Variants in DCAF6 observed in about 807,000 individuals in gnomAD.
The protein encoded by DCAF6 is DDB1- and CUL4-associated factor 6.
Under a neutral mutation model 125.1 loss-of-function variants are expected in DCAF6, and 54 were observed. The ratio of observed to expected loss-of-function variants is 0.43; its 90% CI spans 0.35 to 0.54. DCAF6 has a LOEUF of 0.54. DCAF6 is among the 20% of genes least tolerant of loss of function. The probability of loss-of-function intolerance (pLI) is 0.01; values close to 1 mark genes in which losing one functional copy is unlikely to be tolerated. For missense variants in DCAF6, 934 were observed against 1,161.7 expected (o/e 0.80, Z 2.85); for synonymous variants, 371 against 390.4 (o/e 0.95, Z 0.58).
At position 167,954,698 on chromosome 1, in the gene DCAF6, C is replaced by T. The variant is rs926684796; in HGVS notation, c.159+2837C>T. On this transcript the variant is annotated intron_variant, in intron 2 of 21. Coordinates refer to ENST00000367840, the MANE Select transcript of DCAF6 (RefSeq NM_001198956.2). ...CGATCTCCTGACCTCATGATCCGCC[C>T]GCCTCTGCCTCCCAAAGTGCTGGGA... is the stretch of plus-strand genomic sequence containing the variant. Among the ~76,000 whole-genome samples, 8 of 152,022 alleles carry T rather than the reference C, an allele frequency of 5.3e-5. No individual in the cohort carries two copies. In the South Asian group the frequency reaches 1.2e-3, roughly 24 times the overall value.
At chr1:168,066,756 TCA>T (rs1692393174) in intron 20 of DCAF6, among the ~76,000 whole-genome samples, 1 of 152,090 alleles carries the variant, frequency 6.6e-6, no homozygotes, top group Non-Finnish European at 1.5e-5. Flanking sequence ...CAATAAAGAA[TCA>T]CACACAAAAA....
the DCAF6 span, among the ~76,000 whole-genome samples, chr1:167,872,886 A>G: frequency 3.3e-5 from 5 of 151,594 alleles, no homozygotes; most frequent in Admixed American, 1.3e-4. Flanking sequence ...CCTGGCCAAT[A>G]TGGTGAAACC....
rs1343427559 is a variant in DCAF6 at position 168,009,221 on chromosome 1, A to G, written c.1378+4428A>G. Among the ~76,000 whole-genome samples the G allele has an allele frequency of 2.0e-5, 3 of 151,804 alleles. No homozygotes were observed. In the East Asian group the frequency reaches 5.9e-4, roughly 30 times the overall value. On this transcript the variant is annotated intron_variant, in intron 10 of 21. Transcript: ENST00000367840. ...CACCGTGTTGGCCACGATGGTCTCAATCTCCTGACCTTGTGATCCGCCCTC... is the reference window on the plus strand; with the variant it reads ...CACCGTGTTGGCCACGATGGTCTCAGTCTCCTGACCTTGTGATCCGCCCTC...
Position 167,945,964 on chromosome 1 carries a change from T to TG in DCAF6, c.98-5836_98-5835insG, listed in dbSNP as rs1200988981. ...TTTACCAAATCTAAGGGTTTTTTTT[T>TG]TTTTTTTTTTGAGACAGAATTTCAT... On this transcript the variant is annotated intron_variant, in intron 1 of 21. Transcript: ENST00000367840. 2.7e-5 allele frequency among the ~76,000 whole-genome samples: 4 copies of TG among 150,900 alleles called. No homozygotes were observed. In the East Asian group the frequency reaches 5.8e-4, roughly 22 times the overall value.
At chr1:167,981,202 G>A (rs934302318) in intron 4 of DCAF6, among the ~76,000 whole-genome samples, 5 of 152,002 alleles carry the variant, frequency 3.3e-5, no homozygotes, top group Admixed American at 2.6e-4. Context: ...CACCGCTCCC[G>A]GCCTCCCCCA....
intron 1 of DCAF6, among the ~76,000 whole-genome samples, chr1:167,945,473 G>A (rs1297534388): frequency 2.6e-5 from 4 of 151,988 alleles, no homozygotes; most frequent in Non-Finnish European, 4.4e-5. Flanking sequence ...GTGTGTATGT[G>A]TGTGTTTATA....
intron 4 of DCAF6, among the ~76,000 whole-genome samples, chr1:167,980,776 C>A (rs558268536): frequency 6.6e-6 from 1 of 151,990 alleles, no homozygotes; most frequent in Non-Finnish European, 1.5e-5. Flanking sequence ...TATTTTCACC[C>A]GTTCCATGGA....
At chr1:167,996,448 C>A (rs1681711598) in intron 7 of DCAF6, among the ~76,000 whole-genome samples, 1 of 152,168 alleles carries the variant, frequency 6.6e-6, no homozygotes, top group Admixed American at 6.5e-5. Context: ...CCACCCTGAT[C>A]CGAGCTATCA....
At chr1:167,889,770 T>G in the DCAF6 span, among the ~76,000 whole-genome samples, 1 of 152,250 alleles carries the variant, frequency 6.6e-6, no homozygotes, top group African/African-American at 2.4e-5. Context: ...TGGTAGGATG[T>G]ATGTGTATAG....
At chr1:167,947,588 A>T (rs1256537536) in intron 1 of DCAF6, among the ~76,000 whole-genome samples, 5 of 152,044 alleles carry the variant, frequency 3.3e-5, no homozygotes, top group East Asian at 1.9e-4. Context: ...TTTCAAAAAC[A>T]TTTTTTTAAA....
intron 16 of DCAF6, 116 bp downstream of exon 16, chr1:168,045,343 A>C: frequency 1.2e-5 from 11 of 894,958 alleles, no homozygotes; most frequent in South Asian, 1.9e-5. Flanking sequence ...AGAGTGTCTC[A>C]TTCATATAAA....
At chr1:168,033,452 A>T (rs935426845) in intron 12 of DCAF6, among the ~76,000 whole-genome samples, 4 of 151,870 alleles carry the variant, frequency 2.6e-5, no homozygotes, top group Admixed American at 1.3e-4. Context: ...AGTAGCTGGG[A>T]CTACAGGCGC....
rs748908390 is a variant in DCAF6 at position 167,968,957 on chromosome 1, T to C, written c.252+2236T>C. Among the ~76,000 whole-genome samples the C allele has an allele frequency of 3.3e-5, 5 of 152,320 alleles. No individual in the cohort carries two copies. In the South Asian group the frequency reaches 6.2e-4, roughly 19 times the overall value. On this transcript the variant is annotated intron_variant, in intron 3 of 21. Transcript: ENST00000367840. ...TTATTGCAATGTGAAATTTACTTCATTAATATTTAGGTCTTTGAATGAAGA... is the reference window on the plus strand; with the variant it reads ...TTATTGCAATGTGAAATTTACTTCACTAATATTTAGGTCTTTGAATGAAGA...
rs559704688 is a variant in DCAF6, at chr1:168,040,401, C to A, written c.1727+1913C>A. ...GTTGAGCATATGCCATCAGTAGAAA[C>A]CAGAAGAACAGTTAAAAAGCTATGG... On this transcript the variant is annotated intron_variant, in intron 13 of 21. Coordinates refer to ENST00000367840, the MANE Select transcript of DCAF6 (RefSeq NM_001198956.2). Among the ~76,000 whole-genome samples, 9 of 151,366 alleles carry A rather than the reference C, an allele frequency of 5.9e-5. No homozygotes were observed. In the East Asian group the frequency reaches 1.7e-3, roughly 29 times the overall value.
chr1:168,038,211 T>A (rs533315827), intron 12 of DCAF6, among the ~76,000 whole-genome samples, 160 bp from the exon 13 acceptor site: 86 of 152,180 alleles, frequency 5.7e-4, no homozygotes, highest in Non-Finnish European at 1.1e-3. Context: ...AAAAGAGTAT[T>A]TCCACAACAC....
At chr1:167,906,744 G>A in the DCAF6 span, among the ~76,000 whole-genome samples, 1 of 152,068 alleles carries the variant, frequency 6.6e-6, no homozygotes, top group Non-Finnish European at 1.5e-5. Context: ...AGCTGAGATC[G>A]TGTCACTGCA....
intron 13 of DCAF6, 155 bp from the exon 14 acceptor site, chr1:168,042,870 T>A (rs958247279): frequency 3.7e-6 from 2 of 544,666 alleles, no homozygotes; most frequent in African/African-American, 3.8e-5. Context: ...TCTTGATTTG[T>A]TTGAAATGAT....
At chr1:168,059,470 A>G (rs1263624669) in intron 17 of DCAF6, among the ~76,000 whole-genome samples, 1 of 152,044 alleles carries the variant, frequency 6.6e-6, no homozygotes, top group Non-Finnish European at 1.5e-5. Flanking sequence ...CTCTTTATTC[A>G]TTTTTAGAAG....
At chr1:167,897,997 C>CAAAAAAAAAAAA in the DCAF6 span, among the ~76,000 whole-genome samples, 1 of 17,390 alleles carries the variant, frequency 5.8e-5, no homozygotes, top group African/African-American at 3.1e-4. Context: ...GACTCTGTCT[C>CAAAAAAAAAAAA]AAAAAAAAAA....
Sources: allele counts gnomAD v4.1 joint callset (sites outside exome capture counted in the v4.1 genomes callset), GRCh38; gene constraint gnomAD v4.1.1; transcripts MANE v1.5; gene names NCBI Gene and HGNC (gene_info 2026-07-23, HGNC 2026-07-21).